The following CDK18 variants were observed in gnomAD, a reference collection of about 807,000 sequenced individuals.
CDK18 encodes the protein cyclin-dependent kinase 18.
In CDK18, 52 loss-of-function variants were observed where a neutral mutation model predicts 62.0. The ratio of observed to expected loss-of-function variants is 0.84; its 90% confidence interval spans 0.67 to 1.06. CDK18 has a LOEUF of 1.06. Among genes scored for constraint, CDK18 ranks in the 50% least tolerant of loss-of-function variants. CDK18 has a pLI of 0.00. For missense variants in CDK18, 604 were observed against 619.9 expected, an observed-to-expected ratio of 0.97 and a Z score of 0.27; for synonymous variants, 237 against 247.0, an observed-to-expected ratio of 0.96 and a Z score of 0.38.
At chr1:205,520,375 C>T (rs78495225) in intron 1 of CDK18, among the ~76,000 whole-genome samples, 1,986 of 152,294 alleles carry the variant, frequency 0.013, 41 homozygotes, top group African/African-American at 0.044. Context: ...TTTTACAATG[C>T]TCCCTGGTGA....
At chr1:205,526,615 T>C in intron 7 of CDK18, 154 bp downstream of exon 7, 1 of 932,614 alleles carries the variant, frequency 1.1e-6, no homozygotes, top group Non-Finnish European at 1.8e-6. Context: ...CGTGCAGGAG[T>C]GGGCCAAGAG....
In CDK18 at chr1:205,527,368, G is replaced by C. The variant is rs1354628427; in HGVS notation, c.730-426G>C. 4.6e-6 allele frequency: 1 copy of C among 215,100 alleles called. No individual in the cohort carries two copies. Among genetic ancestry groups the C allele is most frequent in the African/African-American group, 2.3e-5 (1 of 43,222 alleles). The allele number at this position is 215,100 out of a possible 1,614,324, so 13.3% of individuals were successfully genotyped here. A position where few individuals can be genotyped will look rare whatever the true frequency, so the allele number is the denominator to read the frequency against. The stretch of plus-strand genomic sequence containing the variant: ...GTAGCGTGCACCCATAGTCCCAGCT[G>C]CTTGAGAGGCTGAGGCAGGAGGGCC... On this transcript the variant is annotated intron_variant, in intron 8 of 15. Transcript: ENST00000429964. This position sits in a 1 kb window ranked among gnomAD's most constrained non-coding sequence, Gnocchi z 4.1.
intron 1 of CDK18, 57 bp from the exon 2 acceptor site, chr1:205,523,090 G>A: frequency 6.5e-7 from 1 of 1,536,388 alleles, no homozygotes; most frequent in Non-Finnish European, 8.8e-7. Flanking sequence ...AGTGGGTGGA[G>A]ACCTGGACTG....
chr1:205,506,381 C>T (rs1222830636), intron 1 of CDK18, among the ~76,000 whole-genome samples: 1 of 152,120 alleles, frequency 6.6e-6, no homozygotes, highest in African/African-American at 2.4e-5. Flanking sequence ...CAGGACTCTC[C>T]CCACTGGGTC....
chr1:205,527,595 T>C lies in CDK18; in HGVS notation c.730-199T>C. ...GGCCTCCCCCACACTCACTGCGTCC[T>C]CTGCACCCCTGCTGTCCTCCCCTCT... is the stretch of plus-strand genomic sequence containing the variant. On this transcript the variant is annotated intron_variant, in intron 8 of 15. Coordinates refer to ENST00000429964, the MANE Select transcript of CDK18 (RefSeq NM_212502.3). This position sits in a 1 kb window ranked among gnomAD's most constrained non-coding sequence, Gnocchi z 4.1. 3 of 578,204 alleles carry C rather than the reference T, an allele frequency of 5.2e-6. No homozygotes were observed. The highest frequency in any genetic ancestry group is 3.0e-5 in the East Asian group (1 of 33,466). 35.8% of individuals were successfully genotyped at this position (578,204 alleles called of 1,614,324 possible).
chr1:205,507,021 C>T (rs77506123), intron 1 of CDK18, among the ~76,000 whole-genome samples: 4,688 of 152,284 alleles, frequency 0.031, 231 homozygotes, highest in African/African-American at 0.11. Context: ...TGGGCCGTCC[C>T]GCACTCGGGA....
chr1:205,511,319 G>T (rs572090055), intron 1 of CDK18, among the ~76,000 whole-genome samples: 1 of 152,368 alleles, frequency 6.6e-6, no homozygotes, highest in South Asian at 2.1e-4. Flanking sequence ...CTTTTGTGCT[G>T]CAAAGGCAGA....
rs964498335 is a variant in CDK18 at position 205,528,214 on chromosome 1, C to T, written c.974+46C>T. On this transcript the variant is annotated intron_variant, in intron 10 of 15. Coordinates refer to ENST00000429964, the MANE Select transcript of CDK18 (RefSeq NM_212502.3). This position sits in a 1 kb window ranked among gnomAD's most constrained non-coding sequence, Gnocchi z 4.2. ...CCGAGGAGGGGAGGACAGGCCTGGC[C>T]ACACCTCCAGACTCTCCTTTGCTTC... 4 of 1,605,452 alleles carry T rather than the reference C, an allele frequency of 2.5e-6. No homozygotes were observed. Among genetic ancestry groups the T allele is most frequent in the Middle Eastern group, 2.1e-4 (1 of 4,674 alleles).
intron 15 of CDK18, 88 bp downstream of exon 15, chr1:205,530,793 C>T: frequency 2.8e-6 from 3 of 1,054,568 alleles, no homozygotes; most frequent in East Asian, 5.0e-5. Flanking sequence ...CCCATGGTCC[C>T]CCCACCACTG....
At chr1:205,526,728 G>A (rs773077844) in intron 7 of CDK18, 47 bp from the exon 8 acceptor site, 15 of 1,556,464 alleles carry the variant, frequency 9.6e-6, no homozygotes, top group Non-Finnish European at 1.3e-5. Context: ...TGGGCTTCTG[G>A]CCAGGGGTCA....
chr1:205,527,853 C>T lies in CDK18; in HGVS notation c.789C>T (p.His263=). 6.2e-7 allele frequency: 1 copy of T among 1,614,124 alleles called. No homozygotes were observed. The highest frequency in any genetic ancestry group is 1.1e-5 in the South Asian group (1 of 91,082). The change falls in exon 9 of 16, where the codon CAC becomes CAT. Residue 263 remains histidine (H), a synonymous_variant. Coordinates refer to ENST00000429964, the MANE Select transcript of CDK18 (RefSeq NM_212502.3). The surrounding 1 kb of genome is among the most constrained non-coding windows in gnomAD (Gnocchi z 4.1). ...LAYCHHRKIL[H]RDLKPQNLLI... Reference sequence around the variant, plus strand: ...ACTGTCACCACCGCAAGATCCTGCACCGGGACCTGAAGCCCCAGAACCTGC... The same window carrying T: ...ACTGTCACCACCGCAAGATCCTGCATCGGGACCTGAAGCCCCAGAACCTGC...
chr1:205,523,374 C>G (rs773557656), intron 2 of CDK18, 77 bp downstream of exon 2: 13 of 1,601,708 alleles, frequency 8.1e-6, no homozygotes, highest in African/African-American at 2.7e-5. Context: ...CCCGCCCACC[C>G]CCTCCCCACT....
At chr1:205,529,237 C>A in intron 11 of CDK18, 87 bp from the exon 12 acceptor site, 1 of 1,400,002 alleles carries the variant, frequency 7.1e-7, no homozygotes, top group Non-Finnish European at 1.0e-6. Flanking sequence ...GCCATCTTTG[C>A]TCCCACCTCA....
At chr1:205,530,886 A>G (rs954201579) in intron 15 of CDK18, among the ~76,000 whole-genome samples, 181 bp downstream of exon 15, 3 of 151,600 alleles carry the variant, frequency 2.0e-5, no homozygotes, top group Non-Finnish European at 4.4e-5. Flanking sequence ...TCCCTCCTCA[A>G]CCCTCCACCC....
At chr1:205,515,207 C>T (rs1482637447) in intron 1 of CDK18, among the ~76,000 whole-genome samples, 3 of 132,032 alleles carry the variant, frequency 2.3e-5, no homozygotes, top group East Asian at 2.2e-4. Flanking sequence ...GATGGAGTCT[C>T]GCTGCAACAC....
At chr1:205,526,964 A>G in intron 8 of CDK18, 127 bp downstream of exon 8, 3 of 742,812 alleles carry the variant, frequency 4.0e-6, no homozygotes, top group Non-Finnish European at 7.2e-6. Flanking sequence ...CGTAGGAAAG[A>G]GGGAGAGGGC....
intron 1 of CDK18, chr1:205,522,935 G>C (rs942690324): frequency 1.8e-6 from 1 of 552,082 alleles, no homozygotes; most frequent in Non-Finnish European, 3.2e-6. Flanking sequence ...GCAGTGCTGA[G>C]GGTCACTGGG....
Position 205,527,202 on chromosome 1 carries a change from T to C in CDK18, c.729+365T>C. ...CTGGTGTTTGTTAAAGAATCAAGGCTGGGCATGGTGGCCCACGCCTGTAAT... is the reference window on the plus strand; with the variant it reads ...CTGGTGTTTGTTAAAGAATCAAGGCCGGGCATGGTGGCCCACGCCTGTAAT... On this transcript the variant is annotated intron_variant, in intron 8 of 15. Transcript: ENST00000429964. This position sits in a 1 kb window ranked among gnomAD's most constrained non-coding sequence, Gnocchi z 4.1. The C allele has an allele frequency of 4.0e-6, 1 of 252,500 alleles. No individual in the cohort carries two copies. Among genetic ancestry groups the C allele is most frequent in the Non-Finnish European group, 7.7e-6 (1 of 130,354 alleles). 15.6% of individuals were successfully genotyped at this position (252,500 alleles called of 1,614,324 possible). A position where few individuals can be genotyped will look rare whatever the true frequency, so the allele number is the denominator to read the frequency against.
chr1:205,523,385 G>A (rs563591627), intron 2 of CDK18, 88 bp downstream of exon 2: 1 of 1,598,730 alleles, frequency 6.3e-7, no homozygotes, highest in East Asian at 2.2e-5. Flanking sequence ...CCTCCCCACT[G>A]GCCTTAGGGG....
Sources: gnomAD v4.1 joint callset for allele counts (sites outside exome capture counted in the v4.1 genomes callset) on GRCh38, gnomAD v4.1.1 for gene constraint, Gnocchi (gnomAD v3.1) non-coding constraint, MANE v1.5 for transcripts, NCBI Gene and HGNC (gene_info 2026-07-23, HGNC 2026-07-21) for gene names.